Variants in PPP1R12B observed in about 807,000 individuals in gnomAD.
PPP1R12B encodes the protein myosin phosphatase target subunit 2.
PPP1R12B carries 76 observed loss-of-function variants against 126.1 expected under a neutral mutation model. That is an observed-to-expected ratio of 0.60 (90% CI 0.50 to 0.73). The LOEUF (loss-of-function observed/expected upper bound fraction) is 0.73. Among genes scored for constraint, PPP1R12B ranks in the 30% least tolerant of loss-of-function variants. The pLI is 0.00. For synonymous variants in PPP1R12B, 356 were observed against 434.7 expected, an observed-to-expected ratio of 0.82 and a Z score of 2.25; for missense variants, 1,052 against 1,205.1, an observed-to-expected ratio of 0.87 and a Z score of 1.88.
At chr1:202,542,994 TTTGA>T (rs1186102042) in intron 18 of PPP1R12B, among the ~76,000 whole-genome samples, 6 of 152,074 alleles carry the variant, frequency 3.9e-5, no homozygotes, top group Non-Finnish European at 7.4e-5. Context: ...CATTTAGAAG[TTTGA>T]TTCTTTTTTT....
intron 18 of PPP1R12B, among the ~76,000 whole-genome samples, chr1:202,522,557 AAAG>A (rs1412547309): frequency 6.6e-6 from 1 of 152,086 alleles, no homozygotes; most frequent in Non-Finnish European, 1.5e-5. Flanking sequence ...AAGAAGATAA[AAAG>A]AAGCAAAGGA....
At chr1:202,359,461 A>G (rs1046767863) in intron 1 of PPP1R12B, among the ~76,000 whole-genome samples, 3 of 151,802 alleles carry the variant, frequency 2.0e-5, no homozygotes, top group Non-Finnish European at 2.9e-5. Flanking sequence ...ATTTCGATAT[A>G]TATCTCTAGA....
chr1:202,509,281 A>G (rs1681163482), intron 18 of PPP1R12B, among the ~76,000 whole-genome samples: 1 of 152,258 alleles, frequency 6.6e-6, no homozygotes, highest in South Asian at 2.1e-4. Context: ...TTGGGGCAGC[A>G]TTAATGAGTT....
At chr1:202,483,267 A>T (rs1334669305) in intron 13 of PPP1R12B, among the ~76,000 whole-genome samples, 4 of 132,684 alleles carry the variant, frequency 3.0e-5, no homozygotes, top group Admixed American at 1.5e-4. Flanking sequence ...TTTTATTTCT[A>T]TGAAGAACAC....
At chr1:202,434,303 C>T (rs1670536604) in intron 8 of PPP1R12B, among the ~76,000 whole-genome samples, 1 of 152,094 alleles carries the variant, frequency 6.6e-6, no homozygotes, top group African/African-American at 2.4e-5. Context: ...AGTAGGGACC[C>T]AGTGGAAATT....
intron 13 of PPP1R12B, chr1:202,471,808 T>A (rs2362282): frequency 0.4 from 437,062 of 1,095,010 alleles, 75,202 homozygotes; most frequent in East Asian, 0.6. Flanking sequence ...TTTTTTTTTT[T>A]ATCCAAAATG....
At chr1:202,395,530 C>A (rs1204175568) in intron 1 of PPP1R12B, among the ~76,000 whole-genome samples, 1 of 152,126 alleles carries the variant, frequency 6.6e-6, no homozygotes, top group Non-Finnish European at 1.5e-5. Context: ...GGTGATTTTT[C>A]CCTCCACCTT....
At chr1:202,516,588 A>T (rs1197032101) in intron 18 of PPP1R12B, among the ~76,000 whole-genome samples, 1 of 152,082 alleles carries the variant, frequency 6.6e-6, no homozygotes, top group Non-Finnish European at 1.5e-5. Flanking sequence ...GTTAGTAGCC[A>T]TTTGCCTTGT....
chr1:202,428,749 T>C, intron 5 of PPP1R12B, 106 bp from the exon 6 acceptor site: 3 of 925,592 alleles, frequency 3.2e-6, no homozygotes, highest in Non-Finnish European at 5.0e-6. Flanking sequence ...GCAGCTATTA[T>C]TGGAGTCAAA....
chr1:202,570,790 T>C (rs924331037), intron 23 of PPP1R12B, among the ~76,000 whole-genome samples: 1 of 152,198 alleles, frequency 6.6e-6, no homozygotes, highest in African/African-American at 2.4e-5. Flanking sequence ...CCCGAATAGC[T>C]GGGACTACAG....
chr1:202,548,148 A>G, intron 18 of PPP1R12B, among the ~76,000 whole-genome samples: 1 of 152,210 alleles, frequency 6.6e-6, no homozygotes, highest in Non-Finnish European at 1.5e-5. Context: ...CTGGATCAGG[A>G]GCCTCAGCCT....
chr1:202,564,654 C>A, intron 21 of PPP1R12B, 107 bp downstream of exon 21: 1 of 818,316 alleles, frequency 1.2e-6, no homozygotes, highest in Non-Finnish European at 1.9e-6. Flanking sequence ...CAAGATCAGG[C>A]CTTCTCGGGG....
rs531666702 is a variant in PPP1R12B, at chr1:202,423,799, G to A, written c.541+1061G>A. Among the ~76,000 whole-genome samples, 46 of 151,916 alleles carry A rather than the reference G, an allele frequency of 3.0e-4. No individual in the cohort carries two copies. In the East Asian group the frequency reaches 6.8e-3, roughly 22 times the overall value. On this transcript the variant is annotated intron_variant, in intron 3 of 23. Transcript: ENST00000608999. The stretch of plus-strand genomic sequence containing the variant: ...TTCAGGTTCAAGTGATTGTCCTGCC[G>A]CAGCCTCCTGAGTAGCTGGGACTAC...
chr1:202,449,596 A>T (rs186865606), intron 13 of PPP1R12B, among the ~76,000 whole-genome samples: 101 of 151,658 alleles, frequency 6.7e-4, no homozygotes, highest in Non-Finnish European at 1.2e-3. Flanking sequence ...TCTTTATATT[A>T]TTGTTCTGTA....
intron 1 of PPP1R12B, among the ~76,000 whole-genome samples, chr1:202,387,011 A>G (rs988452648): frequency 1.3e-5 from 2 of 152,234 alleles, no homozygotes; most frequent in African/African-American, 4.8e-5. Context: ...GTCCTAACTT[A>G]GTCTAGTGAC....
chr1:202,416,683 T>C (rs1668111856), intron 1 of PPP1R12B, 104 bp from the exon 2 acceptor site: 1 of 963,810 alleles, frequency 1.0e-6, no homozygotes, highest in Non-Finnish European at 1.5e-6. Context: ...GAAATTAATG[T>C]ATTATTAGAA....
chr1:202,446,036 G>A (rs2148707706), intron 12 of PPP1R12B, among the ~76,000 whole-genome samples: 1 of 151,904 alleles, frequency 6.6e-6, no homozygotes, highest in South Asian at 2.1e-4. Context: ...AAAATAAGCG[G>A]TAATCATTAA....
chr1:202,561,736 G>C (rs1687553667), intron 19 of PPP1R12B, among the ~76,000 whole-genome samples: 1 of 152,212 alleles, frequency 6.6e-6, no homozygotes, highest in Non-Finnish European at 1.5e-5. Flanking sequence ...TTTGAAGAAT[G>C]TGGGACTTAG....
At chr1:202,543,913 A>G (rs1165837572) in intron 18 of PPP1R12B, among the ~76,000 whole-genome samples, 2 of 152,152 alleles carry the variant, frequency 1.3e-5, no homozygotes, top group African/African-American at 4.8e-5. Flanking sequence ...AATTTTTTTT[A>G]CTGCTACTTT....
Sources: allele counts gnomAD v4.1 joint callset (sites outside exome capture counted in the v4.1 genomes callset), GRCh38; gene constraint gnomAD v4.1.1; transcripts MANE v1.5; gene names NCBI Gene and HGNC (gene_info 2026-07-23, HGNC 2026-07-21).